LRMDA: variants seen among roughly 807,000 people sequenced by gnomAD.
The protein encoded by LRMDA is leucine-rich melanocyte differentiation-associated protein.
Under a neutral mutation model 29.8 loss-of-function variants are expected in LRMDA, and 18 were observed. The observed-to-expected ratio is 0.60, with a 90% CI of 0.42 to 0.90. The LOEUF is 0.90. Ranked by LOEUF, LRMDA falls within the 40% of genes least tolerant of loss-of-function variation. LRMDA has a pLI of 0.00. For synonymous variants in LRMDA, 125 were observed against 109.4 expected (o/e 1.14, Z -0.89); for missense variants, 273 against 273.9 (o/e 1.00, Z 0.02).
At chr10:76,555,957 C>T (rs945512446) in intron 6 of LRMDA, among the ~76,000 whole-genome samples, 8 of 152,014 alleles carry the variant, frequency 5.3e-5, no homozygotes, top group South Asian at 2.1e-4. Flanking sequence ...GTCCGATTAG[C>T]GCTAAGACAA....
chr10:76,526,280 T>C (rs1327959502), intron 6 of LRMDA, among the ~76,000 whole-genome samples: 2 of 152,292 alleles, frequency 1.3e-5, no homozygotes, highest in South Asian at 4.1e-4. Context: ...AGGACAGTGA[T>C]AGTGGCTGAA....
intron 2 of LRMDA, among the ~76,000 whole-genome samples, chr10:75,777,281 T>C (rs1384029143): frequency 1.3e-5 from 2 of 152,156 alleles, no homozygotes; most frequent in Admixed American, 1.3e-4. Flanking sequence ...CCCAGCCCCT[T>C]CCATTTCCTT....
chr10:76,518,280 C>CTATCT (rs1554825367), intron 6 of LRMDA, among the ~76,000 whole-genome samples: 1 of 146,570 alleles, frequency 6.8e-6, no homozygotes, highest in South Asian at 2.2e-4. Context: ...ATTTATCTAT[C>CTATCT]ATCTATCTAT....
At chr10:75,472,920 G>A (rs1345247472) in intron 2 of LRMDA, among the ~76,000 whole-genome samples, 1 of 152,172 alleles carries the variant, frequency 6.6e-6, no homozygotes, top group Non-Finnish European at 1.5e-5. Context: ...GAATGATCTG[G>A]GCTTAGGCAT....
chr10:76,138,231 C>T (rs1033249883), intron 5 of LRMDA, among the ~76,000 whole-genome samples: 2 of 152,090 alleles, frequency 1.3e-5, no homozygotes. Context: ...TCAATAACAG[C>T]AAAACAGATT....
chr10:75,436,972 A>G (rs984455024), intron 1 of LRMDA, among the ~76,000 whole-genome samples: 1 of 152,138 alleles, frequency 6.6e-6, no homozygotes. Context: ...AGAGTCCTTT[A>G]TTTTTTAGCC....
chr10:76,439,293 AG>A (rs541235114), intron 6 of LRMDA, among the ~76,000 whole-genome samples: 1 of 152,194 alleles, frequency 6.6e-6, no homozygotes, highest in Non-Finnish European at 1.5e-5. Context: ...GAGACAGGAA[AG>A]CTCAAAGACA....
At chr10:76,528,038 TA>T (rs1351447991) in intron 6 of LRMDA, among the ~76,000 whole-genome samples, 1 of 152,294 alleles carries the variant, frequency 6.6e-6, no homozygotes, top group African/African-American at 2.4e-5. Flanking sequence ...TTCCACTTAT[TA>T]AACTAGCAAA....
At chr10:75,556,729 C>T (rs1008280419) in intron 2 of LRMDA, among the ~76,000 whole-genome samples, 4 of 146,456 alleles carry the variant, frequency 2.7e-5, no homozygotes, top group Non-Finnish European at 4.5e-5. Context: ...GGTGGGGTAA[C>T]AGACCCATGT....
At chr10:76,535,727 C>A (rs1843283612) in intron 6 of LRMDA, 1 of 152,054 alleles carries the variant, frequency 6.6e-6, no homozygotes. Context: ...TTGCCATTTC[C>A]CTATATCTCT....
intron 2 of LRMDA, among the ~76,000 whole-genome samples, chr10:75,923,744 G>A (rs1404031147): frequency 1.3e-5 from 2 of 152,074 alleles, no homozygotes; most frequent in African/African-American, 4.8e-5. Context: ...CTCCTTTTAA[G>A]GTGTCTTAAG....
At chr10:75,659,441 G>T (rs1267704549) in intron 2 of LRMDA, among the ~76,000 whole-genome samples, 1 of 151,990 alleles carries the variant, frequency 6.6e-6, no homozygotes, top group Non-Finnish European at 1.5e-5. Flanking sequence ...CACACAACAT[G>T]ATGATTTGAT....
At chr10:76,480,431 T>C (rs893627825) in intron 6 of LRMDA, among the ~76,000 whole-genome samples, 8 of 151,896 alleles carry the variant, frequency 5.3e-5, no homozygotes, top group Admixed American at 4.6e-4. Flanking sequence ...CATAGAATAG[T>C]AGAGCTGGAA....
At chr10:75,608,967 T>C (rs1021649997) in intron 2 of LRMDA, among the ~76,000 whole-genome samples, 3 of 152,214 alleles carry the variant, frequency 2.0e-5, no homozygotes, top group Non-Finnish European at 4.4e-5. Context: ...GCAGTGACCC[T>C]TCACTATACT....
chr10:76,183,273 T>C (rs1487856435), intron 5 of LRMDA, among the ~76,000 whole-genome samples: 1 of 152,234 alleles, frequency 6.6e-6, no homozygotes, highest in Non-Finnish European at 1.5e-5. Flanking sequence ...CACAGCAGGC[T>C]GGTATTATTT....
At chr10:75,833,964 C>T (rs748091446) in intron 2 of LRMDA, among the ~76,000 whole-genome samples, 1 of 152,098 alleles carries the variant, frequency 6.6e-6, no homozygotes, top group African/African-American at 2.4e-5. Context: ...TGAGGACCTG[C>T]GCTCTGGATT....
intron 4 of LRMDA, among the ~76,000 whole-genome samples, chr10:76,056,884 G>T (rs1372183834): frequency 6.6e-6 from 1 of 152,128 alleles, no homozygotes; most frequent in Non-Finnish European, 1.5e-5. Context: ...AGGAGGGCAT[G>T]GGGCTCCCAC....
chr10:76,296,883 G>C (rs1840417820), intron 5 of LRMDA, among the ~76,000 whole-genome samples: 1 of 152,196 alleles, frequency 6.6e-6, no homozygotes, highest in South Asian at 2.1e-4. Flanking sequence ...TTAGTGCCTA[G>C]TGTGCTTTCT....
At chr10:75,739,476 T>G (rs575593541) in intron 2 of LRMDA, among the ~76,000 whole-genome samples, 1 of 152,362 alleles carries the variant, frequency 6.6e-6, no homozygotes, top group Admixed American at 6.5e-5. Flanking sequence ...CAATTAATCT[T>G]GATGTATTAT....
Sources: gnomAD v4.1 joint callset for allele counts (sites outside exome capture counted in the v4.1 genomes callset) on GRCh38, gnomAD v4.1.1 for gene constraint, MANE v1.5 for transcripts, NCBI Gene and HGNC (gene_info 2026-07-23, HGNC 2026-07-21) for gene names.